RBFOX3: variants seen among roughly 807,000 people sequenced by gnomAD.
RBFOX3 encodes the protein RNA binding fox-1 homolog 3, also known as RNA binding protein fox-1 homolog 3.
RBFOX3 carries 17 observed loss-of-function variants against 48.7 expected under a neutral mutation model. That is an observed-to-expected ratio of 0.35 (90% confidence interval 0.24 to 0.52). The LOEUF is 0.52. RBFOX3 is among the 20% of genes least tolerant of loss of function. RBFOX3 has a pLI of 0.94. For synonymous variants in RBFOX3, 212 were observed against 209.5 expected, an observed-to-expected ratio of 1.01 and a Z score of -0.10; for missense variants, 382 against 497.5, an observed-to-expected ratio of 0.77 and a Z score of 2.21.
At chr17:79,139,119 C>T (rs1004430753) in intron 4 of RBFOX3, among the ~76,000 whole-genome samples, 12 of 152,156 alleles carry the variant, frequency 7.9e-5, no homozygotes, top group African/African-American at 1.2e-4. Flanking sequence ...CACCCACACA[C>T]GCACAGCACA....
chr17:79,110,984 AAC>A (rs1488030787), intron 5 of RBFOX3, among the ~76,000 whole-genome samples: 1 of 152,230 alleles, frequency 6.6e-6, no homozygotes, highest in African/African-American at 2.4e-5. Context: ...GAGAGCCAAG[AAC>A]ACAGTGACCA....
At chr17:79,422,195 CA>C (rs2066518649) in intron 2 of RBFOX3, among the ~76,000 whole-genome samples, 1 of 151,722 alleles carries the variant, frequency 6.6e-6, no homozygotes, top group South Asian at 2.1e-4. Context: ...GACAGGGAAA[CA>C]GGGGGAGCCA....
chr17:79,190,991 G>A (rs2054409933), intron 4 of RBFOX3, among the ~76,000 whole-genome samples: 1 of 152,180 alleles, frequency 6.6e-6, no homozygotes. Flanking sequence ...ACCATGTTTG[G>A]TTAGAATTGA....
chr17:79,598,649 C>T lies in RBFOX3; in HGVS notation c.-320+12177G>A. On this transcript the variant is annotated intron_variant, in intron 1 of 14. Coordinates refer to ENST00000693108, the MANE Select transcript of RBFOX3 (RefSeq NM_001350451.2). ...GTGAACCTTGGAGGCTTTAATTCCT[C>T]CTCCAAGCAGCTCCACGTAGAGCAA... 2.6e-5 allele frequency: 4 copies of T among 152,210 alleles called. 1 individual carries two copies. Among genetic ancestry groups the T allele is most frequent in the Admixed American group, 2.6e-4 (4 of 15,294 alleles). The allele number at this position is 152,210 out of a possible 1,614,324, so 9.4% of individuals were successfully genotyped here.
chr17:79,515,860 A>C (rs1025869631), intron 1 of RBFOX3: 22 of 152,392 alleles, frequency 1.4e-4, no homozygotes, highest in African/African-American at 5.1e-4. Context: ...CAGGGACTAA[A>C]CTGCTGCTGG....
intron 1 of RBFOX3, among the ~76,000 whole-genome samples, chr17:79,550,464 C>CAA (rs1416378677): frequency 6.6e-6 from 1 of 151,688 alleles, no homozygotes; most frequent in Non-Finnish European, 1.5e-5. Flanking sequence ...CACACACACA[C>CAA]GTCTAGTACC....
intron 2 of RBFOX3, among the ~76,000 whole-genome samples, chr17:79,397,679 A>G (rs559067259): frequency 1.3e-3 from 196 of 151,052 alleles, no homozygotes; most frequent in African/African-American, 4.5e-3. Flanking sequence ...CTTTTCCTTT[A>G]CGACATGGTC....
chr17:79,508,941 C>A (rs2083624641), intron 1 of RBFOX3: 1 of 152,410 alleles, frequency 6.6e-6, no homozygotes, highest in South Asian at 2.1e-4. Context: ...CAGACCACAC[C>A]CCCAGTCCAC....
At chr17:79,368,794 G>T (rs2058128688) in intron 2 of RBFOX3, among the ~76,000 whole-genome samples, 1 of 152,214 alleles carries the variant, frequency 6.6e-6, no homozygotes, top group Admixed American at 6.5e-5. Context: ...TAGGGCCATG[G>T]AAATGTCATG....
At chr17:79,358,032 G>C (rs576608034) in intron 2 of RBFOX3, among the ~76,000 whole-genome samples, 73 of 151,754 alleles carry the variant, frequency 4.8e-4, no homozygotes, top group Non-Finnish European at 7.8e-4. Context: ...TCATAACCCT[G>C]GGCTCCTGGG....
intron 3 of RBFOX3, among the ~76,000 whole-genome samples, chr17:79,251,090 G>A (rs987016915): frequency 6.6e-6 from 1 of 152,026 alleles, no homozygotes; most frequent in Non-Finnish European, 1.5e-5. Flanking sequence ...GGTGTGAGCT[G>A]CCGCGCCCGG....
intron 2 of RBFOX3, among the ~76,000 whole-genome samples, chr17:79,315,505 G>A (rs1333311534): frequency 1.3e-5 from 2 of 152,262 alleles, no homozygotes; most frequent in African/African-American, 4.8e-5. Context: ...CGCAGGGGTA[G>A]GGGAAGAGCG....
chr17:79,591,724 G>C (rs1461335704), intron 1 of RBFOX3, among the ~76,000 whole-genome samples: 2 of 152,170 alleles, frequency 1.3e-5, no homozygotes, highest in Non-Finnish European at 2.9e-5. Context: ...GCTGGTTTGA[G>C]AGCAAGTCCA....
At chr17:79,181,546 G>A (rs537860659) in intron 4 of RBFOX3, among the ~76,000 whole-genome samples, 1 of 152,318 alleles carries the variant, frequency 6.6e-6, no homozygotes, top group East Asian at 1.9e-4. Context: ...CCTGGGCTGT[G>A]TCCAGGAGTC....
intron 1 of RBFOX3, among the ~76,000 whole-genome samples, chr17:79,513,050 C>T (rs2149886976): frequency 6.6e-6 from 1 of 150,816 alleles, no homozygotes; most frequent in Middle Eastern, 3.4e-3. Flanking sequence ...GGGTACGGCC[C>T]CATGGCCAGG....
chr17:79,501,019 G>T (rs1038798791), intron 1 of RBFOX3, among the ~76,000 whole-genome samples: 2 of 152,186 alleles, frequency 1.3e-5, no homozygotes, highest in African/African-American at 4.8e-5. Flanking sequence ...TAGGGCTTCC[G>T]TGAAGGGTGC....
chr17:79,665,448 A>AGGAGCGGAGCAGAGAGGGGGGG, the RBFOX3 span, among the ~76,000 whole-genome samples: 1 of 152,020 alleles, frequency 6.6e-6, no homozygotes, highest in Non-Finnish European at 1.5e-5. Flanking sequence ...GGGCCTGGAA[A>AGGAGCGGAGCAGAGAGGGGGGG]CCGACGCCGG....
In RBFOX3 at chr17:79,479,396, G is replaced by C. The variant is rs2078446481; in HGVS notation, c.-175+3058C>G. On this transcript the variant is annotated intron_variant, in intron 2 of 14. Transcript: ENST00000693108. The surrounding 1 kb of genome is among the most constrained non-coding windows in gnomAD (Gnocchi z 5.1). ...CATCCTGAAGGTGAATAAAAGACAGGCAGAGATTCAAAGCCACACGCAGGC... is the reference window on the plus strand; with the variant it reads ...CATCCTGAAGGTGAATAAAAGACAGCCAGAGATTCAAAGCCACACGCAGGC... Among the ~76,000 whole-genome samples, 1 of 152,182 alleles carries C rather than the reference G, an allele frequency of 6.6e-6. No homozygotes were observed. The highest frequency in any genetic ancestry group is 2.1e-4 in the South Asian group (1 of 4,820).
chr17:79,447,781 C>T (rs1278687270), intron 2 of RBFOX3, among the ~76,000 whole-genome samples: 3 of 152,190 alleles, frequency 2.0e-5, no homozygotes, highest in Admixed American at 1.3e-4. Context: ...TGCTGAGGGG[C>T]GGCCAGGGTG....
Sources: gnomAD v4.1 joint callset for allele counts (sites outside exome capture counted in the v4.1 genomes callset) on GRCh38, gnomAD v4.1.1 for gene constraint, Gnocchi (gnomAD v3.1) non-coding constraint, MANE v1.5 for transcripts, NCBI Gene and HGNC (gene_info 2026-07-23, HGNC 2026-07-21) for gene names.